BACE2: variants seen among roughly 807,000 people sequenced by gnomAD.
The protein encoded by BACE2 is 56 kDa aspartic-like protease.
A neutral mutation model predicts 46.2 loss-of-function variants in BACE2; 17 were observed. That is an observed-to-expected ratio of 0.37 (90% CI 0.25 to 0.55). The LOEUF (loss-of-function observed/expected upper bound fraction) is 0.55, where lower values mean the gene tolerates loss of function less well. Ranked by LOEUF, BACE2 falls within the 20% of genes least tolerant of loss-of-function variation. The pLI is 0.82. For missense variants in BACE2, 595 were observed against 698.1 expected (o/e 0.85, Z 1.66); for synonymous variants, 277 against 295.9 (o/e 0.94, Z 0.66).
intron 8 of BACE2, among the ~76,000 whole-genome samples, chr21:41,267,558 T>C (rs899593404): frequency 6.6e-6 from 1 of 152,240 alleles, no homozygotes; most frequent in African/African-American, 2.4e-5. Context: ...CTGTGAATTT[T>C]TCTTGCTGCA....
In BACE2 at chr21:41,193,295, G is replaced by T. The variant is rs1985636125; in HGVS notation, c.312+24720G>T. ...GAATGGGGAAAAAGTCATTTGCCAA[G>T]TCAATGGCTGCATACCAGGTACCAG... On this transcript the variant is annotated intron_variant, in intron 1 of 8. Transcript: ENST00000330333. This position sits in a 1 kb window ranked among gnomAD's most constrained non-coding sequence, Gnocchi z 4.2. 6.6e-6 allele frequency among the ~76,000 whole-genome samples: 1 copy of T among 152,232 alleles called. No individual in the cohort carries two copies. The highest frequency in any genetic ancestry group is 2.4e-5 in the African/African-American group (1 of 41,456).
In BACE2 at chr21:41,280,012, T is replaced by C. The variant is rs1265155414; in HGVS notation, c.*4388T>C. 2 of 152,120 alleles carry C rather than the reference T, an allele frequency of 1.3e-5. No individual in the cohort carries two copies. The highest frequency in any genetic ancestry group is 2.9e-5 in the Non-Finnish European group (2 of 68,034). 9.4% of individuals were successfully genotyped at this position (152,120 alleles called of 1,614,324 possible). ...CCCCACGTTTTTGGCACAGTCTACTTTTTAGGTATTTTGTAAAGGAACTTC... is the reference window on the plus strand; with the variant it reads ...CCCCACGTTTTTGGCACAGTCTACTCTTTAGGTATTTTGTAAAGGAACTTC... On this transcript the variant is annotated 3_prime_UTR_variant, in exon 9 of 9. Coordinates refer to ENST00000330333, the MANE Select transcript of BACE2 (RefSeq NM_012105.5).
chr21:41,260,060 G>A (rs1039518202), intron 8 of BACE2, among the ~76,000 whole-genome samples: 46 of 152,060 alleles, frequency 3.0e-4, no homozygotes, highest in South Asian at 1.9e-3. Flanking sequence ...CACCTCCCAG[G>A]CTCAAGTGAT....
intron 8 of BACE2, 149 bp from the exon 9 acceptor site, chr21:41,275,222 C>A: frequency 9.3e-7 from 1 of 1,075,554 alleles, no homozygotes; most frequent in Non-Finnish European, 1.4e-6. Context: ...AGCCGTGACC[C>A]CACTCAGTGC....
chr21:41,268,192 G>A (rs983866620), intron 8 of BACE2, among the ~76,000 whole-genome samples: 2 of 152,174 alleles, frequency 1.3e-5, no homozygotes, highest in African/African-American at 4.8e-5. Context: ...GGTAGGGGCT[G>A]TTATTACCTT....
At chr21:41,256,863 G>GT (rs1050052266) in intron 7 of BACE2, among the ~76,000 whole-genome samples, 7 of 152,284 alleles carry the variant, frequency 4.6e-5, no homozygotes, top group African/African-American at 1.7e-4. Flanking sequence ...ATTTTACAGA[G>GT]TTTGACTCTT....
At chr21:41,218,046 T>C (rs1884266551) in intron 1 of BACE2, among the ~76,000 whole-genome samples, 1 of 152,224 alleles carries the variant, frequency 6.6e-6, no homozygotes, top group Admixed American at 6.5e-5. Context: ...AGTTTGTGGC[T>C]GTTTGTTAAG....
At chr21:41,186,224 C>G (rs56222217) in intron 1 of BACE2, 4,894 of 152,386 alleles carry the variant, frequency 0.032, 241 homozygotes, top group African/African-American at 0.11. Context: ...GCAGGTCTCT[C>G]TAGGTTCCCC....
intron 2 of BACE2, among the ~76,000 whole-genome samples, chr21:41,236,365 T>C (rs1433344221): frequency 6.6e-6 from 1 of 152,208 alleles, no homozygotes; most frequent in Non-Finnish European, 1.5e-5. Context: ...CCTTGCCTGC[T>C]TTGTTCCCTG....
At chr21:41,186,959 G>A (rs1034354236) in intron 1 of BACE2, among the ~76,000 whole-genome samples, 25 of 152,354 alleles carry the variant, frequency 1.6e-4, no homozygotes, top group Admixed American at 1.6e-3. Context: ...ACGGTAAACC[G>A]ACATGGCATG....
intron 7 of BACE2, among the ~76,000 whole-genome samples, chr21:41,251,626 C>T (rs893938747): frequency 6.6e-6 from 1 of 152,106 alleles, no homozygotes; most frequent in African/African-American, 2.4e-5. Context: ...CATGGCAAAA[C>T]CCCGTCTCTG....
intron 1 of BACE2, chr21:41,179,899 G>A (rs527682866): frequency 1.7e-4 from 63 of 377,304 alleles, no homozygotes; most frequent in African/African-American, 9.6e-4. Flanking sequence ...CAGGACAGGC[G>A]AGCCCTAAGA....
At chr21:41,254,152 G>A (rs781437343) in intron 7 of BACE2, among the ~76,000 whole-genome samples, 1 of 152,188 alleles carries the variant, frequency 6.6e-6, no homozygotes, top group East Asian at 1.9e-4. Flanking sequence ...GAGTCAATTC[G>A]AAAGCAATTA....
intron 1 of BACE2, among the ~76,000 whole-genome samples, chr21:41,208,448 G>T (rs1389740117): frequency 6.6e-6 from 1 of 152,202 alleles, no homozygotes; most frequent in South Asian, 2.1e-4. Context: ...CCCAAGCCGG[G>T]CTGGGAAGAG....
At chr21:41,246,130 C>A in intron 6 of BACE2, 67 bp downstream of exon 6, 1 of 1,236,062 alleles carries the variant, frequency 8.1e-7, no homozygotes, top group Non-Finnish European at 1.1e-6. Flanking sequence ...AGGAGCAGCA[C>A]TGCGTGTTCT....
chr21:41,230,913 C>T (rs1424254942), intron 2 of BACE2, among the ~76,000 whole-genome samples: 3 of 152,180 alleles, frequency 2.0e-5, no homozygotes, highest in Non-Finnish European at 4.4e-5. Flanking sequence ...AGCTAGTTGG[C>T]TTGAAGAGAG....
At chr21:41,215,725 C>T (rs1296147494) in intron 1 of BACE2, among the ~76,000 whole-genome samples, 2 of 152,176 alleles carry the variant, frequency 1.3e-5, no homozygotes, top group African/African-American at 4.8e-5. Context: ...ATCTCCAAGG[C>T]GTTTCTGTTT....
At chr21:41,204,733 G>T (rs149294437) in intron 1 of BACE2, among the ~76,000 whole-genome samples, 6 of 152,116 alleles carry the variant, frequency 3.9e-5, no homozygotes, top group African/African-American at 1.2e-4. Flanking sequence ...TCTGTATTTT[G>T]CTGGCCATAG....
chr21:41,277,230 T>C lies in BACE2; in HGVS notation c.*1606T>C, dbSNP rs1344723609. On this transcript the variant is annotated 3_prime_UTR_variant, in exon 9 of 9. Transcript: ENST00000330333. ...TCCCTGGGTCCCCGGGTCACCACCA[T>C]ACTGAGAAATATAGGACTCTGCCAA... 2 of 152,122 alleles carry C rather than the reference T, an allele frequency of 1.3e-5. No individual in the cohort carries two copies. Among genetic ancestry groups the C allele is most frequent in the East Asian group, 1.9e-4 (1 of 5,154 alleles). The allele number at this position is 152,122 out of a possible 1,614,324, so 9.4% of individuals were successfully genotyped here. A position where few individuals can be genotyped will look rare whatever the true frequency, so the allele number is the denominator to read the frequency against.
Sources: gnomAD v4.1 joint callset for allele counts (sites outside exome capture counted in the v4.1 genomes callset) on GRCh38, gnomAD v4.1.1 for gene constraint, Gnocchi (gnomAD v3.1) non-coding constraint, MANE v1.5 for transcripts, NCBI Gene and HGNC (gene_info 2026-07-23, HGNC 2026-07-21) for gene names.